Variants in NRG1 observed in about 807,000 individuals in gnomAD.
NRG1 encodes neuregulin 1, also known as pro-neuregulin-1, membrane-bound isoform.
A neutral mutation model predicts 63.8 loss-of-function variants in NRG1; 18 were observed. That is an observed-to-expected ratio of 0.28 (90% CI 0.19 to 0.42). NRG1 has a LOEUF of 0.42. NRG1 is among the 10% of genes least tolerant of loss of function. The pLI, the probability that NRG1 is intolerant of heterozygous loss-of-function variation, is 1.00. For synonymous variants in NRG1, 302 were observed against 301.3 expected (o/e 1.00, Z -0.02); for missense variants, 762 against 814.7 (o/e 0.94, Z 0.79).
At chr8:32,421,555 C>T (rs55687725) in intron 1 of NRG1, among the ~76,000 whole-genome samples, 11 of 152,236 alleles carry the variant, frequency 7.2e-5, no homozygotes, top group Admixed American at 2.6e-4. Flanking sequence ...CGTTCCAAGA[C>T]GATTTTATAC....
At chr8:32,304,983 C>G (rs1320219063) in intron 1 of NRG1, among the ~76,000 whole-genome samples, 2 of 151,858 alleles carry the variant, frequency 1.3e-5, no homozygotes, top group East Asian at 3.9e-4. Context: ...CCACTGCACT[C>G]CAGCCTGGGC....
chr8:32,716,217 C>T (rs1233326416), intron 5 of NRG1, among the ~76,000 whole-genome samples: 1 of 152,182 alleles, frequency 6.6e-6, no homozygotes, highest in Non-Finnish European at 1.5e-5. Flanking sequence ...CAAATTCCTG[C>T]TACACATATT....
At chr8:31,662,419 T>C (rs1390377930) in intron 1 of NRG1, among the ~76,000 whole-genome samples, 3 of 152,240 alleles carry the variant, frequency 2.0e-5, no homozygotes, top group African/African-American at 7.2e-5. Context: ...GCTTAGCCTA[T>C]GTAGTTCCCA....
At chr8:32,341,459 G>A (rs993725085) in intron 1 of NRG1, among the ~76,000 whole-genome samples, 1 of 152,318 alleles carries the variant, frequency 6.6e-6, no homozygotes, top group Admixed American at 6.5e-5. Flanking sequence ...AAGGACAGAG[G>A]AATGAGGCAT....
intron 1 of NRG1, among the ~76,000 whole-genome samples, chr8:32,404,570 T>A (rs980276454): frequency 6.7e-6 from 1 of 148,918 alleles, no homozygotes; most frequent in Non-Finnish European, 1.5e-5. Flanking sequence ...AAACTCATTC[T>A]GTTTTCTTCT....
intron 1 of NRG1, among the ~76,000 whole-genome samples, chr8:32,169,505 G>T (rs1242607351): frequency 6.6e-6 from 1 of 152,204 alleles, no homozygotes; most frequent in African/African-American, 2.4e-5. Context: ...ATAGGCTCAA[G>T]AATTCTGAGG....
At chr8:32,184,589 T>C (rs1165578862) in intron 1 of NRG1, among the ~76,000 whole-genome samples, 2 of 152,022 alleles carry the variant, frequency 1.3e-5, no homozygotes, top group Non-Finnish European at 2.9e-5. Flanking sequence ...TTAATATATG[T>C]TTAGTTTTGT....
chr8:32,602,488 T>C (rs1844553704), intron 2 of NRG1, among the ~76,000 whole-genome samples: 2 of 152,188 alleles, frequency 1.3e-5, no homozygotes, highest in Non-Finnish European at 2.9e-5. Flanking sequence ...ACACGATTGT[T>C]CCTAGATTTG....
intron 1 of NRG1, among the ~76,000 whole-genome samples, chr8:32,496,448 G>A (rs1389768360): frequency 6.6e-6 from 1 of 152,088 alleles, no homozygotes; most frequent in African/African-American, 2.4e-5. Context: ...AAATTAACTG[G>A]GCATGGCGGT....
chr8:31,680,522 T>C (rs1808222482), intron 1 of NRG1, among the ~76,000 whole-genome samples: 1 of 151,512 alleles, frequency 6.6e-6, no homozygotes, highest in South Asian at 2.1e-4. Flanking sequence ...TGCCACATTT[T>C]CTTAATCCAG....
intron 1 of NRG1, among the ~76,000 whole-genome samples, chr8:31,874,664 C>G (rs774080974): frequency 1.3e-5 from 2 of 151,914 alleles, no homozygotes; most frequent in African/African-American, 2.4e-5. Flanking sequence ...CTATAGTCAC[C>G]CAGTTGTGTT....
At chr8:31,727,197 A>G (rs1471585882) in intron 1 of NRG1, among the ~76,000 whole-genome samples, 1 of 152,168 alleles carries the variant, frequency 6.6e-6, no homozygotes, top group Non-Finnish European at 1.5e-5. Context: ...TCAGATATGT[A>G]AATAAATAAT....
At chr8:32,275,634 A>C (rs750890486) in intron 1 of NRG1, among the ~76,000 whole-genome samples, 1 of 152,154 alleles carries the variant, frequency 6.6e-6, no homozygotes, top group African/African-American at 2.4e-5. Flanking sequence ...GTGAGCAAGG[A>C]GAGAGTAGAG....
intron 1 of NRG1, among the ~76,000 whole-genome samples, chr8:32,189,282 G>T (rs1472969675): frequency 1.3e-5 from 2 of 151,984 alleles, no homozygotes; most frequent in Non-Finnish European, 2.9e-5. Context: ...CCATCTTTAT[G>T]TTCATGTGTA....
intron 1 of NRG1, among the ~76,000 whole-genome samples, chr8:31,977,684 A>G (rs1022029802): frequency 2.0e-5 from 3 of 152,150 alleles, no homozygotes; most frequent in African/African-American, 7.2e-5. Context: ...ATGAATGGTA[A>G]TAACAGCAAT....
chr8:32,045,745 G>T (rs897734181), intron 1 of NRG1, among the ~76,000 whole-genome samples: 1 of 151,798 alleles, frequency 6.6e-6, no homozygotes, highest in Non-Finnish European at 1.5e-5. Context: ...GGAACAATAG[G>T]AAACAATTGG....
chr8:32,239,935 G>A (rs919369286), intron 1 of NRG1, among the ~76,000 whole-genome samples: 32 of 152,124 alleles, frequency 2.1e-4, no homozygotes, highest in Admixed American at 6.6e-5. Context: ...TGGAGAAACT[G>A]GATCACTCAT....
chr8:31,966,084 A>T (rs1028015621), intron 1 of NRG1, among the ~76,000 whole-genome samples: 3 of 152,112 alleles, frequency 2.0e-5, no homozygotes, highest in Admixed American at 2.0e-4. Context: ...TGTAACAAAC[A>T]TGCACATGTA....
intron 1 of NRG1, among the ~76,000 whole-genome samples, chr8:31,951,489 C>T (rs997548222): frequency 6.6e-6 from 1 of 152,224 alleles, no homozygotes; most frequent in African/African-American, 2.4e-5. Flanking sequence ...TCTCCATCCC[C>T]TTGCTGGGCT....
Sources: gnomAD v4.1 joint callset for allele counts (sites outside exome capture counted in the v4.1 genomes callset) on GRCh38, gnomAD v4.1.1 for gene constraint, MANE v1.5 for transcripts, NCBI Gene and HGNC (gene_info 2026-07-23, HGNC 2026-07-21) for gene names.